ANK3: variants seen among roughly 807,000 people sequenced by gnomAD.
ANK3 encodes the protein ankyrin-3.
In ANK3, 57 loss-of-function variants were observed where a neutral mutation model predicts 370.9. That is an observed-to-expected ratio of 0.15 (90% confidence interval 0.12 to 0.19). The LOEUF (loss-of-function observed/expected upper bound fraction) is 0.19. ANK3 is among the 10% of genes least tolerant of loss of function. The pLI, the probability that ANK3 is intolerant of heterozygous loss-of-function variation, is 1.00. For synonymous variants in ANK3, 1,929 were observed against 1,946.3 expected (o/e 0.99, Z 0.23); for missense variants, 4,439 against 5,302.1 (o/e 0.84, Z 5.06).
chr10:60,618,138 A>G (rs1267241216), intron 1 of ANK3, among the ~76,000 whole-genome samples: 2 of 152,102 alleles, frequency 1.3e-5, no homozygotes, highest in African/African-American at 4.8e-5. Context: ...CAGCCAGTAC[A>G]TGGTGGGGCC....
At chr10:60,605,629 A>G (rs1489413570) in intron 2 of ANK3, among the ~76,000 whole-genome samples, 2 of 152,154 alleles carry the variant, frequency 1.3e-5, no homozygotes, top group African/African-American at 4.8e-5. Flanking sequence ...TCTTACAAGG[A>G]AACTATGTGA....
chr10:60,600,433 A>T (rs973616023), intron 2 of ANK3, among the ~76,000 whole-genome samples: 2 of 152,148 alleles, frequency 1.3e-5, no homozygotes, highest in Non-Finnish European at 2.9e-5. Context: ...TGATCACAAA[A>T]CTTACAGCAG....
intron 1 of ANK3, among the ~76,000 whole-genome samples, chr10:60,342,138 T>C (rs1342219025): frequency 6.6e-6 from 1 of 152,182 alleles, no homozygotes; most frequent in South Asian, 2.1e-4. Flanking sequence ...TGCTGCAATA[T>C]GACAAAACCT....
chr10:60,384,659 C>A (rs1056595898), intron 1 of ANK3, among the ~76,000 whole-genome samples: 1 of 152,194 alleles, frequency 6.6e-6, no homozygotes, highest in East Asian at 1.9e-4. Flanking sequence ...TAAAAAAATA[C>A]TTTCTCTTCT....
At position 60,181,298 on chromosome 10, in the gene ANK3, C is replaced by A. The variant is rs367613326; in HGVS notation, c.2184+31G>T. On this transcript the variant is annotated intron_variant, in intron 18 of 43. Coordinates refer to ENST00000280772, the MANE Select transcript of ANK3 (RefSeq NM_020987.5). Reference sequence around the variant, plus strand: ...ACTGCAGTCACCAAATGGACACATTCTTTTCCGTGTGGCAAGGGAGGGCCG... The same window carrying A: ...ACTGCAGTCACCAAATGGACACATTATTTTCCGTGTGGCAAGGGAGGGCCG... The A allele has an allele frequency of 1.4e-5, 23 of 1,593,228 alleles. No homozygotes were observed. In the African/African-American group the frequency reaches 3.1e-4, roughly 21 times the overall value.
chr10:60,252,703 TTTC>T (rs1392121705), intron 7 of ANK3, among the ~76,000 whole-genome samples: 7 of 152,246 alleles, frequency 4.6e-5, no homozygotes, highest in Non-Finnish European at 1.0e-4. Flanking sequence ...TCATTTATTA[TTTC>T]TTATTTCTTA....
intron 2 of ANK3, among the ~76,000 whole-genome samples, chr10:60,544,484 C>T (rs1421041519): frequency 2.0e-5 from 3 of 152,038 alleles, no homozygotes; most frequent in Admixed American, 1.3e-4. Flanking sequence ...TTCCATTTTT[C>T]CCCTATATTT....
chr10:60,685,094 A>T (rs953489788), intron 1 of ANK3: 3 of 1,137,428 alleles, frequency 2.6e-6, no homozygotes, highest in African/African-American at 3.1e-5. Context: ...AATACCTATT[A>T]TATCTGTGTG....
intron 13 of ANK3, among the ~76,000 whole-genome samples, chr10:60,198,972 A>G (rs929299264): frequency 4.6e-5 from 7 of 152,306 alleles, no homozygotes; most frequent in Non-Finnish European, 1.0e-4. Flanking sequence ...AGACAAAAGC[A>G]GAGTGTGAGG....
chr10:60,601,086 G>T (rs1384416571), intron 2 of ANK3, among the ~76,000 whole-genome samples: 1 of 151,662 alleles, frequency 6.6e-6, no homozygotes, highest in Non-Finnish European at 1.5e-5. Flanking sequence ...TTTTATCTGG[G>T]GAGAACTAAT....
chr10:60,342,762 T>A (rs2054551291), intron 1 of ANK3, among the ~76,000 whole-genome samples: 1 of 152,092 alleles, frequency 6.6e-6, no homozygotes, highest in Non-Finnish European at 1.5e-5. Flanking sequence ...AATCGAGAGA[T>A]CCTATATGGC....
chr10:60,467,148 T>C (rs2065029039), intron 2 of ANK3, among the ~76,000 whole-genome samples: 1 of 152,210 alleles, frequency 6.6e-6, no homozygotes, highest in Admixed American at 6.5e-5. Flanking sequence ...TGCAATTCAT[T>C]CAAGATTAAA....
At chr10:60,575,871 C>T (rs1454873844) in intron 2 of ANK3, among the ~76,000 whole-genome samples, 2 of 152,052 alleles carry the variant, frequency 1.3e-5, no homozygotes, top group Non-Finnish European at 2.9e-5. Flanking sequence ...TTCTCTACAC[C>T]TCTACTCTAG....
chr10:60,129,337 AC>A (rs2093942480), intron 25 of ANK3, among the ~76,000 whole-genome samples: 1 of 152,152 alleles, frequency 6.6e-6, no homozygotes, highest in African/African-American at 2.4e-5. Flanking sequence ...TCCATTGGGC[AC>A]CCCCAGTTAA....
intron 1 of ANK3, among the ~76,000 whole-genome samples, chr10:60,285,644 T>A (rs180717991): frequency 6.6e-6 from 1 of 152,186 alleles, no homozygotes; most frequent in Non-Finnish European, 1.5e-5. Context: ...TCTTTCTAGG[T>A]GACCTCATTG....
At chr10:60,717,643 AT>A (rs1401299760) in intron 1 of ANK3, among the ~76,000 whole-genome samples, 5 of 152,336 alleles carry the variant, frequency 3.3e-5, no homozygotes, top group African/African-American at 1.2e-4. Context: ...TATTATGCCC[AT>A]TTTCCTTAAA....
intron 25 of ANK3, among the ~76,000 whole-genome samples, chr10:60,132,163 C>T (rs146713292): frequency 0.01 from 1,590 of 152,226 alleles, 23 homozygotes; most frequent in African/African-American, 0.037. Context: ...CCTGGCAACA[C>T]CTTATACCCA....
At chr10:60,354,174 T>TA (rs2057372400) in intron 1 of ANK3, among the ~76,000 whole-genome samples, 1 of 152,226 alleles carries the variant, frequency 6.6e-6, no homozygotes, top group Non-Finnish European at 1.5e-5. Flanking sequence ...CCTTAGAGTT[T>TA]AGGCGATTCT....
chr10:60,377,262 C>T (rs149041655), intron 1 of ANK3, among the ~76,000 whole-genome samples: 12 of 152,292 alleles, frequency 7.9e-5, no homozygotes, highest in Non-Finnish European at 1.6e-4. Context: ...CTCCTTCACC[C>T]CTAACCAGCC....
Sources: allele counts gnomAD v4.1 joint callset (sites outside exome capture counted in the v4.1 genomes callset), GRCh38; gene constraint gnomAD v4.1.1; transcripts MANE v1.5; gene names NCBI Gene and HGNC (gene_info 2026-07-23, HGNC 2026-07-21).